CNTN4: variants seen among roughly 807,000 people sequenced by gnomAD.
The protein encoded by CNTN4 is contactin-4.
CNTN4 carries 77 observed loss-of-function variants against 122.5 expected under a neutral mutation model. The observed-to-expected ratio is 0.63, with a 90% CI of 0.52 to 0.76. The LOEUF (loss-of-function observed/expected upper bound fraction) is 0.76, where lower values mean the gene tolerates loss of function less well. CNTN4 is among the 30% of genes least tolerant of loss of function. The pLI is 0.00. For synonymous variants in CNTN4, 512 were observed against 447.0 expected (o/e 1.15, Z -1.83); for missense variants, 1,256 against 1,259.1 (o/e 1.00, Z 0.04).
At chr3:2,882,378 A>C (rs1391760023) in intron 8 of CNTN4, among the ~76,000 whole-genome samples, 2 of 152,162 alleles carry the variant, frequency 1.3e-5, no homozygotes, top group Non-Finnish European at 2.9e-5. Context: ...AAAAAAAAAA[A>C]AGAAAAAGGA....
At chr3:2,466,425 T>G (rs576727429) in intron 3 of CNTN4, among the ~76,000 whole-genome samples, 60 of 152,346 alleles carry the variant, frequency 3.9e-4, no homozygotes, top group African/African-American at 1.4e-3. Flanking sequence ...ATAATAAGAT[T>G]AGAACCCTTC....
chr3:2,865,730 T>C (rs1018751673), intron 7 of CNTN4, among the ~76,000 whole-genome samples: 13 of 152,228 alleles, frequency 8.5e-5, no homozygotes, highest in Non-Finnish European at 2.9e-5. Flanking sequence ...TTGATTTCCT[T>C]GGAGCACAAT....
rs192993091 is a variant in CNTN4 at position 2,955,894 on chromosome 3, A to G, written c.1358+30115A>G. On this transcript the variant is annotated intron_variant, in intron 13 of 24. Coordinates refer to ENST00000418658, the MANE Select transcript of CNTN4 (RefSeq NM_175607.3). ...GCATCAACATCATGACATGTCCTCAAAAAAATTAAAAGTAGAATTACCATA... is the reference window on the plus strand; with the variant it reads ...GCATCAACATCATGACATGTCCTCAGAAAAATTAAAAGTAGAATTACCATA... Among the ~76,000 whole-genome samples the G allele has an allele frequency of 8.1e-4, 124 of 152,312 alleles. 1 individual carries two copies. Among genetic ancestry groups the G allele is most frequent in the African/African-American group, 2.8e-3 (118 of 41,560 alleles).
chr3:2,142,622 C>G (rs1055853500), intron 2 of CNTN4, among the ~76,000 whole-genome samples: 2 of 152,152 alleles, frequency 1.3e-5, no homozygotes, highest in African/African-American at 4.8e-5. Flanking sequence ...GGATTAGAGG[C>G]GCAAGCCACT....
intron 6 of CNTN4, among the ~76,000 whole-genome samples, chr3:2,812,461 A>T (rs1014246768): frequency 6.6e-6 from 1 of 152,232 alleles, no homozygotes; most frequent in Non-Finnish European, 1.5e-5. Context: ...AATATAAAGG[A>T]TAAGATATCT....
chr3:2,198,028 G>GAAAAAAAAA (rs5846169), intron 2 of CNTN4, among the ~76,000 whole-genome samples: 39 of 138,088 alleles, frequency 2.8e-4, no homozygotes, highest in African/African-American at 1.0e-3. Flanking sequence ...ACTCTCTCTG[G>GAAAAAAAAA]AAAAAAAAAA....
At chr3:2,666,214 A>T (rs1302556491) in intron 4 of CNTN4, among the ~76,000 whole-genome samples, 3 of 152,136 alleles carry the variant, frequency 2.0e-5, no homozygotes, top group African/African-American at 7.2e-5. Context: ...TTCCTTTTAG[A>T]TTTCTTAATT....
chr3:2,892,542 G>C (rs564475438), intron 10 of CNTN4, among the ~76,000 whole-genome samples: 1 of 152,320 alleles, frequency 6.6e-6, no homozygotes, highest in East Asian at 1.9e-4. Context: ...AATATAAAAT[G>C]TATTTAATTC....
chr3:2,259,484 A>G (rs1377910747), intron 2 of CNTN4, among the ~76,000 whole-genome samples: 1 of 152,172 alleles, frequency 6.6e-6, no homozygotes, highest in African/African-American at 2.4e-5. Flanking sequence ...ATAAAGACAT[A>G]CCCGAGACTG....
At chr3:2,922,281 C>T (rs1281462197) in intron 12 of CNTN4, among the ~76,000 whole-genome samples, 1 of 152,206 alleles carries the variant, frequency 6.6e-6, no homozygotes, top group East Asian at 1.9e-4. Context: ...TTTAAAACCT[C>T]ATTACCTGTG....
At chr3:2,905,035 G>A (rs924164894) in intron 12 of CNTN4, among the ~76,000 whole-genome samples, 9 of 152,076 alleles carry the variant, frequency 5.9e-5, no homozygotes, top group South Asian at 2.1e-4. Context: ...ATGTGTATGC[G>A]TATGTGTACG....
chr3:2,752,079 C>T (rs562905021), intron 6 of CNTN4, among the ~76,000 whole-genome samples: 1 of 152,048 alleles, frequency 6.6e-6, no homozygotes, highest in East Asian at 1.9e-4. Context: ...ACAATAACTG[C>T]TTCTGTGTTT....
chr3:3,000,599 A>G (rs1695937475), intron 14 of CNTN4, among the ~76,000 whole-genome samples: 2 of 152,250 alleles, frequency 1.3e-5, no homozygotes, highest in African/African-American at 4.8e-5. Context: ...CATCTACTCT[A>G]GGGAAATATG....
intron 12 of CNTN4, among the ~76,000 whole-genome samples, chr3:2,907,508 G>C (rs1440400830): frequency 6.6e-6 from 1 of 151,344 alleles, no homozygotes; most frequent in African/African-American, 2.4e-5. Context: ...GGGAGGCAAA[G>C]GTTGCAGTCA....
At chr3:2,983,582 G>A (rs997759023) in intron 13 of CNTN4, among the ~76,000 whole-genome samples, 5 of 152,162 alleles carry the variant, frequency 3.3e-5, no homozygotes, top group Middle Eastern at 3.2e-3. Context: ...GTCAGGCATC[G>A]TTCTAAGCAC....
chr3:2,926,501 C>G (rs983629558), intron 13 of CNTN4, among the ~76,000 whole-genome samples: 4 of 152,114 alleles, frequency 2.6e-5, no homozygotes, highest in African/African-American at 7.2e-5. Flanking sequence ...TATCCCCTAC[C>G]TTTTTCTATA....
At chr3:2,256,628 T>C (rs1304670802) in intron 2 of CNTN4, among the ~76,000 whole-genome samples, 1 of 152,154 alleles carries the variant, frequency 6.6e-6, no homozygotes, top group East Asian at 1.9e-4. Context: ...GATGCAAGGC[T>C]GGTTCAACAT....
At chr3:2,236,034 G>A (rs1040554929) in intron 2 of CNTN4, among the ~76,000 whole-genome samples, 1 of 152,130 alleles carries the variant, frequency 6.6e-6, no homozygotes, top group African/African-American at 2.4e-5. Context: ...AGGAAATTGA[G>A]GTTGGTCAAG....
At chr3:2,379,908 T>G (rs1307821077) in intron 3 of CNTN4, among the ~76,000 whole-genome samples, 1 of 151,902 alleles carries the variant, frequency 6.6e-6, no homozygotes, top group East Asian at 1.9e-4. Flanking sequence ...TACAAAAAAA[T>G]TAGCTGGGCA....
Sources: allele counts gnomAD v4.1 joint callset (sites outside exome capture counted in the v4.1 genomes callset), GRCh38; gene constraint gnomAD v4.1.1; transcripts MANE v1.5; gene names NCBI Gene and HGNC (gene_info 2026-07-23, HGNC 2026-07-21).